MSRA: variants seen among roughly 807,000 people sequenced by gnomAD.
The protein encoded by MSRA is methionine sulfoxide reductase A.
Under a neutral mutation model 31.3 loss-of-function variants are expected in MSRA, and 54 were observed. The observed-to-expected ratio is 1.73, with a 90% confidence interval of 1.39 to 2.17. MSRA has a LOEUF of 2.17. Among genes scored for constraint, MSRA ranks in the 30% most tolerant of loss-of-function variants. MSRA has a pLI of 0.00. For missense variants in MSRA, 507 were observed against 300.9 expected, an observed-to-expected ratio of 1.69 and a Z score of -5.07; for synonymous variants, 169 against 116.5, an observed-to-expected ratio of 1.45 and a Z score of -2.90.
chr8:10,085,970 G>T (rs1168327111), intron 1 of MSRA, among the ~76,000 whole-genome samples: 1 of 152,134 alleles, frequency 6.6e-6, no homozygotes, highest in Non-Finnish European at 1.5e-5. Flanking sequence ...TTGCTGCTGG[G>T]TGTTCAGATT....
At chr8:10,255,884 G>A (rs1798150734) in intron 3 of MSRA, among the ~76,000 whole-genome samples, 1 of 151,978 alleles carries the variant, frequency 6.6e-6, no homozygotes. Flanking sequence ...CAGCAAAACT[G>A]AGCAGAATGT....
intron 3 of MSRA, among the ~76,000 whole-genome samples, chr8:10,261,700 A>C (rs779380749): frequency 6.6e-6 from 1 of 152,218 alleles, no homozygotes; most frequent in Non-Finnish European, 1.5e-5. Flanking sequence ...TGATGGGCCA[A>C]TACTGATATG....
At chr8:10,274,528 C>G (rs756538288) in intron 3 of MSRA, among the ~76,000 whole-genome samples, 2 of 152,198 alleles carry the variant, frequency 1.3e-5, no homozygotes, top group Non-Finnish European at 2.9e-5. Context: ...GGGTGATTCC[C>G]AAGGTCCATT....
intron 1 of MSRA, among the ~76,000 whole-genome samples, chr8:10,151,868 G>T (rs1274378833): frequency 6.6e-6 from 1 of 152,148 alleles, no homozygotes; most frequent in Non-Finnish European, 1.5e-5. Context: ...AAAGGCCAAG[G>T]TCATTTAAAA....
chr8:10,164,076 TCTC>T (rs1563170120), intron 1 of MSRA, among the ~76,000 whole-genome samples: 1 of 152,224 alleles, frequency 6.6e-6, no homozygotes, highest in Non-Finnish European at 1.5e-5. Flanking sequence ...TCTTTTCTGT[TCTC>T]CTGTTAATCT....
Position 10,367,842 on chromosome 8 carries a change from G to A in MSRA, c.543+47853G>A, listed in dbSNP as rs1805256445. 2.0e-5 allele frequency among the ~76,000 whole-genome samples: 3 copies of A among 152,350 alleles called. No individual in the cohort carries two copies. The South Asian group carries it at 6.2e-4, about 32-fold the overall frequency. ...ACTGGGATGAGGCAGGCCTCATGAGGAAGGCGTTCTAGTTTGCCTGAGAAG... is the reference window on the plus strand; with the variant it reads ...ACTGGGATGAGGCAGGCCTCATGAGAAAGGCGTTCTAGTTTGCCTGAGAAG... On this transcript the variant is annotated intron_variant, in intron 5 of 5. Transcript: ENST00000317173.
chr8:10,396,648 C>A (rs73662825), intron 5 of MSRA, among the ~76,000 whole-genome samples: 1 of 152,200 alleles, frequency 6.6e-6, no homozygotes, highest in Non-Finnish European at 1.5e-5. Flanking sequence ...GGATGACATA[C>A]GTGTGGCTGT....
chr8:10,206,538 A>C (rs1808992907), intron 1 of MSRA, among the ~76,000 whole-genome samples: 1 of 152,192 alleles, frequency 6.6e-6, no homozygotes, highest in Admixed American at 6.5e-5. Flanking sequence ...TCCGTGACCT[A>C]GTCTCGGTCT....
At chr8:10,125,418 G>C (rs1801428656) in intron 1 of MSRA, among the ~76,000 whole-genome samples, 1 of 152,188 alleles carries the variant, frequency 6.6e-6, no homozygotes, top group South Asian at 2.1e-4. Flanking sequence ...CTATGGAGAA[G>C]AAGAGGGGAG....
Position 10,355,638 on chromosome 8 carries a change from G to A in MSRA, c.543+35649G>A, listed in dbSNP as rs182406531. 3.3e-5 allele frequency among the ~76,000 whole-genome samples: 5 copies of A among 152,276 alleles called. No individual in the cohort carries two copies. In the East Asian group the frequency reaches 9.7e-4, roughly 29 times the overall value. The stretch of plus-strand genomic sequence containing the variant: ...CCCTCTGTGGGGTCAGGCAGTCAGG[G>A]TGGCTCTTTTAAAGTGGTAGCTTCT... On this transcript the variant is annotated intron_variant, in intron 5 of 5. Transcript: ENST00000317173.
At chr8:10,093,100 C>T (rs1798938645) in intron 1 of MSRA, among the ~76,000 whole-genome samples, 1 of 152,104 alleles carries the variant, frequency 6.6e-6, no homozygotes, top group East Asian at 1.9e-4. Context: ...CTTTTGTAGA[C>T]AGCATATAGT....
intron 1 of MSRA, among the ~76,000 whole-genome samples, chr8:10,088,981 G>T (rs565023841): frequency 1.2e-3 from 185 of 152,276 alleles, no homozygotes; most frequent in African/African-American, 4.3e-3. Flanking sequence ...GTTTCCATGG[G>T]TTGCGGGTGG....
chr8:10,174,805 C>T (rs556295250), intron 1 of MSRA, among the ~76,000 whole-genome samples: 2 of 152,278 alleles, frequency 1.3e-5, no homozygotes, highest in African/African-American at 2.4e-5. Flanking sequence ...AGATGCCCTC[C>T]GACGCTGAGT....
chr8:10,129,269 T>C (rs1280016599), intron 1 of MSRA, among the ~76,000 whole-genome samples: 1 of 152,112 alleles, frequency 6.6e-6, no homozygotes, highest in Non-Finnish European at 1.5e-5. Flanking sequence ...GGTAGCATGG[T>C]ATCGTAAAGG....
chr8:10,337,413 T>G (rs1220229901), intron 5 of MSRA: 1 of 313,754 alleles, frequency 3.2e-6, no homozygotes, highest in East Asian at 7.5e-5. Flanking sequence ...TCTCCTGACC[T>G]CGTGATCCAC....
chr8:10,237,928 A>G (rs981491749), intron 2 of MSRA, among the ~76,000 whole-genome samples: 9 of 152,140 alleles, frequency 5.9e-5, no homozygotes, highest in Middle Eastern at 3.2e-3. Flanking sequence ...ACTCTAGTCT[A>G]TTCTCAACCG....
intron 5 of MSRA, among the ~76,000 whole-genome samples, chr8:10,395,280 G>A (rs555922027): frequency 6.6e-6 from 1 of 152,148 alleles, no homozygotes; most frequent in South Asian, 2.1e-4. Flanking sequence ...CATTGCAAAG[G>A]GCTGCAGTGG....
At chr8:10,231,567 G>C (rs118154582) in intron 2 of MSRA, among the ~76,000 whole-genome samples, 5,313 of 152,330 alleles carry the variant, frequency 0.035, 118 homozygotes, top group East Asian at 0.072. Context: ...TTCTCAGATG[G>C]ATGATATGTG....
At chr8:10,115,750 C>T (rs770849487) in intron 1 of MSRA, among the ~76,000 whole-genome samples, 2 of 152,114 alleles carry the variant, frequency 1.3e-5, no homozygotes, top group Non-Finnish European at 2.9e-5. Context: ...TACACTGGTC[C>T]CGCAGGGCAA....
Sources: allele counts gnomAD v4.1 joint callset (sites outside exome capture counted in the v4.1 genomes callset), GRCh38; gene constraint gnomAD v4.1.1; transcripts MANE v1.5; gene names NCBI Gene and HGNC (gene_info 2026-07-23, HGNC 2026-07-21).